The following HEATR6 variants were observed in gnomAD, a reference collection of about 807,000 sequenced individuals.
The protein encoded by HEATR6 is HEAT repeat-containing protein 6.
In HEATR6, 106 loss-of-function variants were observed where a neutral mutation model predicts 132.8. The ratio of observed to expected loss-of-function variants is 0.80; its 90% CI spans 0.68 to 0.94. The LOEUF (loss-of-function observed/expected upper bound fraction) is 0.94. Among genes scored for constraint, HEATR6 ranks in the 40% least tolerant of loss-of-function variants. The pLI, the probability that HEATR6 is intolerant of heterozygous loss-of-function variation, is 0.00. For missense variants in HEATR6, 1,339 were observed against 1,425.1 expected, an observed-to-expected ratio of 0.94 and a Z score of 0.97; for synonymous variants, 529 against 537.8, an observed-to-expected ratio of 0.98 and a Z score of 0.23.
rs143814183 is a variant in HEATR6 at position 60,073,253 on chromosome 17, G to A, written c.495C>T (p.Thr165=). Residue 165 remains threonine, a synonymous_variant, in exon 4 of 20, where the codon ACC becomes ACT. Transcript: ENST00000184956. ...QKYLPELLGN[T]GLLMKLSDLA... Reference sequence around the variant, plus strand: ...AGTCACTCAACTTCATTAAGAGTCCGGTGTTGCCTAGCAGCTCTGGGAGGT... The same window carrying A: ...AGTCACTCAACTTCATTAAGAGTCCAGTGTTGCCTAGCAGCTCTGGGAGGT... 82 of 1,612,378 alleles carry A rather than the reference G, an allele frequency of 5.1e-5. No homozygotes were observed. In the African/African-American group the frequency reaches 6.5e-4, roughly 13 times the overall value.
intron 10 of HEATR6, 67 bp from the exon 11 acceptor site, chr17:60,059,588 G>T: frequency 9.1e-7 from 1 of 1,099,730 alleles, no homozygotes; most frequent in East Asian, 2.4e-5. Context: ...AAATTTTGCA[G>T]CATTTAATTA....
intron 2 of HEATR6, among the ~76,000 whole-genome samples, chr17:60,075,069 C>T (rs1216079053): frequency 6.6e-6 from 1 of 152,204 alleles, no homozygotes; most frequent in Non-Finnish European, 1.5e-5. Flanking sequence ...TGACCTAAGT[C>T]TCTCCAGCAA....
chr17:60,055,629 G>A (rs767081206), intron 13 of HEATR6, 28 bp from the exon 14 acceptor site: 2 of 1,540,140 alleles, frequency 1.3e-6, no homozygotes, highest in East Asian at 4.5e-5. Flanking sequence ...TACCGAAGTG[G>A]AGCATCAGAA....
chr17:60,078,546 G>T (rs2083307695), intron 1 of HEATR6, 150 bp downstream of exon 1: 1 of 656,636 alleles, frequency 1.5e-6, no homozygotes, highest in Non-Finnish European at 2.6e-6. Context: ...GGAGAACTAA[G>T]AATGTGCCAA....
At position 60,044,084 on chromosome 17, in the gene HEATR6, T is replaced by C; in HGVS notation, c.3025A>G (p.Thr1009Ala). 6.2e-7 allele frequency: 1 copy of C among 1,613,950 alleles called. No individual in the cohort carries two copies. The highest frequency in any genetic ancestry group is 8.5e-7 in the Non-Finnish European group (1 of 1,179,924). ...CGCACTTTGAAGTTCTTGCATGATG[T>C]CACGACCGATGTCAGGGCATTGTAG... ...QAYNALTSVV[T>A]SCKNFKVRIR... The change falls in exon 20 of 20, where the codon ACA (threonine) becomes GCA (alanine). Residue 1009 changes from threonine to alanine, a missense_variant. Transcript: ENST00000184956.
intron 2 of HEATR6, 87 bp downstream of exon 2, chr17:60,076,043 C>T: frequency 2.7e-6 from 2 of 748,996 alleles, no homozygotes; most frequent in Non-Finnish European, 4.5e-6. Flanking sequence ...AACAGCCTAT[C>T]ATACCTACTA....
chr17:60,066,313 C>CT lies in HEATR6; in HGVS notation c.1311dup (p.Val438SerfsTer12), dbSNP rs748699945. ...AAAGCTGACCAGTAGCCATAAAGAA[C>CT]TTTTTTTTCTATCGATTTTATAGTA... On this transcript the variant is annotated frameshift_variant, in exon 9 of 20. Transcript: ENST00000184956. LOFTEE classifies it high-confidence loss of function. The CT allele has an allele frequency of 3.1e-6, 5 of 1,613,416 alleles. No homozygotes were observed. The African/African-American group carries it at 5.3e-5, about 17-fold the overall frequency.
chr17:60,059,923 C>T lies in HEATR6; in HGVS notation c.1590G>A (p.Glu530=), dbSNP rs774568237. The T allele has an allele frequency of 6.2e-7, 1 of 1,613,646 alleles. No individual in the cohort carries two copies. Among genetic ancestry groups the T allele is most frequent in the East Asian group, 2.2e-5 (1 of 44,896 alleles). The part of the protein sequence containing the change: ...HRCLLLALVA[E]SSSQTVTQII... ...TCTGAGTAACGGTCTGTGAGGATGA[C>T]TCCGCCACCAAAGCTAACAAAAGAC... The change falls in exon 10 of 20, where the codon GAG becomes GAA. Residue 530 remains glutamate, a synonymous_variant. Transcript: ENST00000184956.
Position 60,043,411 on chromosome 17 carries a change from G to T in HEATR6, c.*152C>A. ...ATGGAGTCACTCCAAAGGTGGTTGA[G>T]CCCTCTGTGAAAATTTAAATGGCTG... On this transcript the variant is annotated 3_prime_UTR_variant, in exon 20 of 20. Coordinates refer to ENST00000184956, the MANE Select transcript of HEATR6 (RefSeq NM_022070.5). 1 of 685,442 alleles carries T rather than the reference G, an allele frequency of 1.5e-6. No individual in the cohort carries two copies. The highest frequency in any genetic ancestry group is 1.9e-5 in the South Asian group (1 of 51,890). 42.5% of individuals were successfully genotyped at this position (685,442 alleles called of 1,614,324 possible).
intron 9 of HEATR6, among the ~76,000 whole-genome samples, chr17:60,062,523 A>G (rs1048446305): frequency 1.3e-5 from 2 of 152,144 alleles, no homozygotes; most frequent in Non-Finnish European, 2.9e-5. Flanking sequence ...AGTCAATCCT[A>G]ATTTTTTTCC....
intron 16 of HEATR6, among the ~76,000 whole-genome samples, chr17:60,049,004 A>ATATATAT (rs1568608641): frequency 7.5e-6 from 1 of 132,774 alleles, no homozygotes; most frequent in African/African-American, 2.9e-5. Context: ...ATATATATAT[A>ATATATAT]TATATATATA....
rs1906174582 is a variant in HEATR6 at position 60,041,641 on chromosome 17, C to T, written c.*1922G>A. Among the ~76,000 whole-genome samples the T allele has an allele frequency of 6.6e-6, 1 of 152,138 alleles. No homozygotes were observed. The highest frequency in any genetic ancestry group is 6.5e-5 in the Admixed American group (1 of 15,270). ...AATATGGGTGTCTTTGCTGTGCTTG[C>T]AGTCTTAATTCTGTGGACACTGATA... On this transcript the variant is annotated 3_prime_UTR_variant, in exon 20 of 20. Transcript: ENST00000184956.
In HEATR6 at chr17:60,060,053, C is replaced by A; in HGVS notation, c.1460G>T (p.Gly487Val). 1 of 1,614,018 alleles carries A rather than the reference C, an allele frequency of 6.2e-7. No homozygotes were observed. Among genetic ancestry groups the A allele is most frequent in the Non-Finnish European group, 8.5e-7 (1 of 1,179,940 alleles). Reference protein sequence around the residue: ...ALQVLSAILEGSKQFLSVAED... With the variant: ...ALQVLSAILEVSKQFLSVAED... ...AGCAACAGAAAGAAACTGCTTTGAG[C>A]CTTCCAAGATGGCAGATAAAACTTG... The change falls in exon 10 of 20, where the codon GGC becomes GTC. Residue 487 changes from glycine to valine, a missense_variant. Transcript: ENST00000184956.
chr17:60,065,348 G>A (rs926517884), intron 9 of HEATR6, among the ~76,000 whole-genome samples: 1 of 152,134 alleles, frequency 6.6e-6, no homozygotes, highest in South Asian at 2.1e-4. Context: ...GAATTCCAAC[G>A]TATTGTGGGT....
Position 60,043,759 on chromosome 17 carries a change from T to C in HEATR6, c.3350A>G (p.Asp1117Gly), listed in dbSNP as rs1268150634. The C allele has an allele frequency of 6.2e-7, 1 of 1,614,176 alleles. No homozygotes were observed. ...LQFLKSGAEG[D>G]DTGAPHSPQE... ...TGGGCTGTGGGGTGCTCCAGTGTCA[T>C]CTCCCTCTGCTCCTGATTTTAAAAA... Residue 1117 changes from aspartate (D) to glycine (G), a missense_variant, in exon 20 of 20, where the codon GAT becomes GGT. Transcript: ENST00000184956.
At chr17:60,053,621 G>A (rs1015581504) in intron 14 of HEATR6, among the ~76,000 whole-genome samples, 3 of 152,232 alleles carry the variant, frequency 2.0e-5, no homozygotes, top group Non-Finnish European at 4.4e-5. Context: ...AAGCCAGGCT[G>A]AGGAGGTCTC....
chr17:60,070,709 T>A lies in HEATR6; in HGVS notation c.798A>T (p.Leu266=), dbSNP rs1419429900. The A allele has an allele frequency of 6.4e-7, 1 of 1,573,778 alleles. No individual in the cohort carries two copies. Among genetic ancestry groups the A allele is most frequent in the Non-Finnish European group, 8.7e-7 (1 of 1,143,320 alleles). ...ATCATATGAAGACTTGCCTTACCTTTAGCACAGCTAAAAGTGCTCCAAGTT... is the reference window on the plus strand; with the variant it reads ...ATCATATGAAGACTTGCCTTACCTTAAGCACAGCTAAAAGTGCTCCAAGTT... ...TDELGALLAV[L]KKFMFHGLPG... Residue 266 remains leucine (L), a synonymous_variant, in exon 6 of 20, where the codon CTA becomes CTT. Transcript: ENST00000184956.
chr17:60,054,394 A>G (rs1317577145), intron 14 of HEATR6, among the ~76,000 whole-genome samples: 1 of 152,232 alleles, frequency 6.6e-6, no homozygotes, highest in Non-Finnish European at 1.5e-5. Flanking sequence ...GCAGTGCCAA[A>G]GAGAGATGTG....
chr17:60,052,735 GC>G, intron 14 of HEATR6, among the ~76,000 whole-genome samples: 1 of 152,304 alleles, frequency 6.6e-6, no homozygotes, highest in African/African-American at 2.4e-5. Context: ...CTAAGTAGAA[GC>G]CTTTTTTGGT....
Sources: gnomAD v4.1 joint callset for allele counts (sites outside exome capture counted in the v4.1 genomes callset) on GRCh38, gnomAD v4.1.1 for gene constraint, MANE v1.5 for transcripts, NCBI Gene and HGNC (gene_info 2026-07-23, HGNC 2026-07-21) for gene names.